The following POFUT3 variants were observed in gnomAD, a reference collection of about 807,000 sequenced individuals.
The protein encoded by POFUT3 is protein O-fucosyltransferase 3, also known as GDP-fucose protein O-fucosyltransferase 3.
At chr8:33,365,528 T>A in the POFUT3 span, among the ~76,000 whole-genome samples, 2 of 151,932 alleles carry the variant, frequency 1.3e-5, no homozygotes, top group African/African-American at 2.4e-5. Flanking sequence ...AGGGCGAATA[T>A]CCAGAATCTA....
chr8:33,326,814 G>T, the POFUT3 span, among the ~76,000 whole-genome samples: 1 of 152,140 alleles, frequency 6.6e-6, no homozygotes, highest in Admixed American at 6.5e-5. Flanking sequence ...GTCTCCCTCT[G>T]TGACCCAGGG....
chr8:33,386,550 C>A, the POFUT3 span, among the ~76,000 whole-genome samples: 1 of 152,298 alleles, frequency 6.6e-6, no homozygotes, highest in South Asian at 2.1e-4. Context: ...GTGGCTCATG[C>A]CTGTAATCTC....
the POFUT3 span, among the ~76,000 whole-genome samples, chr8:33,461,036 TC>T: frequency 1.3e-5 from 2 of 151,918 alleles, no homozygotes; most frequent in Non-Finnish European, 1.5e-5. Context: ...GTGCCTGTAA[TC>T]CCAACTACTC....
the POFUT3 span, among the ~76,000 whole-genome samples, chr8:33,327,010 T>C: frequency 6.6e-6 from 1 of 152,196 alleles, no homozygotes; most frequent in Non-Finnish European, 1.5e-5. Context: ...ATGCCTGGCC[T>C]TAAGCCATTC....
the POFUT3 span, chr8:33,436,627 T>C: frequency 1.1e-6 from 1 of 884,670 alleles, no homozygotes; most frequent in Middle Eastern, 2.2e-4. Context: ...CACCTTCCCA[T>C]ACTGCTAGAA....
At chr8:33,456,302 G>T in the POFUT3 span, among the ~76,000 whole-genome samples, 504 of 152,140 alleles carry the variant, frequency 3.3e-3, 2 homozygotes, top group African/African-American at 0.012. Context: ...AAATAATAGG[G>T]ATGCTTTTAA....
At chr8:33,398,772 C>G in the POFUT3 span, among the ~76,000 whole-genome samples, 1 of 152,176 alleles carries the variant, frequency 6.6e-6, no homozygotes, top group Non-Finnish European at 1.5e-5. Flanking sequence ...TTTCATAACA[C>G]TGAAGACGAT....
At chr8:33,320,415 A>C in the POFUT3 span, among the ~76,000 whole-genome samples, 1 of 152,062 alleles carries the variant, frequency 6.6e-6, no homozygotes, top group South Asian at 2.1e-4. Flanking sequence ...GTGTTGACCA[A>C]GTTTAAATTC....
the POFUT3 span, among the ~76,000 whole-genome samples, chr8:33,309,684 G>A: frequency 3.9e-5 from 6 of 152,088 alleles, no homozygotes; most frequent in East Asian, 5.8e-4. Context: ...GTTCCCAGGC[G>A]CTTAGTCAGT....
the POFUT3 span, among the ~76,000 whole-genome samples, chr8:33,327,478 CTGATA>C: frequency 6.6e-6 from 1 of 152,110 alleles, no homozygotes; most frequent in Non-Finnish European, 1.5e-5. Flanking sequence ...CAATGACTGT[CTGATA>C]TATTATTTTC....
At chr8:33,317,001 C>A in the POFUT3 span, among the ~76,000 whole-genome samples, 1 of 152,010 alleles carries the variant, frequency 6.6e-6, no homozygotes, top group Non-Finnish European at 1.5e-5. Flanking sequence ...ACAGAACCCC[C>A]TCATCAACCC....
chr8:33,392,166 A>G, the POFUT3 span, among the ~76,000 whole-genome samples: 1 of 152,216 alleles, frequency 6.6e-6, no homozygotes, highest in East Asian at 1.9e-4. Context: ...TCCCTGAGAT[A>G]CATCCACACA....
At chr8:33,368,052 TG>T in the POFUT3 span, among the ~76,000 whole-genome samples, 2 of 152,204 alleles carry the variant, frequency 1.3e-5, no homozygotes, top group African/African-American at 4.8e-5. Context: ...AAAATGCCCT[TG>T]GAGGCATTAA....
At chr8:33,446,969 C>T in the POFUT3 span, among the ~76,000 whole-genome samples, 4 of 152,122 alleles carry the variant, frequency 2.6e-5, no homozygotes, top group East Asian at 5.8e-4. Flanking sequence ...TGAGAAATCC[C>T]GAAGCATCCT....
At chr8:33,318,645 GTA>G in the POFUT3 span, among the ~76,000 whole-genome samples, 1 of 60,870 alleles carries the variant, frequency 1.6e-5, no homozygotes, top group Non-Finnish European at 2.8e-5. Flanking sequence ...TAAATATATT[GTA>G]TATATATTTA....
the POFUT3 span, among the ~76,000 whole-genome samples, chr8:33,399,001 G>A: frequency 6.6e-6 from 1 of 151,944 alleles, no homozygotes; most frequent in Admixed American, 6.6e-5. Flanking sequence ...TGTGAAGTAT[G>A]TCTAATTTTC....
the POFUT3 span, among the ~76,000 whole-genome samples, chr8:33,328,057 A>T: frequency 6.6e-6 from 1 of 152,206 alleles, no homozygotes; most frequent in Non-Finnish European, 1.5e-5. Context: ...CTTCTCATTT[A>T]GTCTTTTATT....
the POFUT3 span, among the ~76,000 whole-genome samples, chr8:33,333,763 G>A: frequency 3.5e-4 from 54 of 152,134 alleles, no homozygotes; most frequent in African/African-American, 1.0e-3. Flanking sequence ...ATCATGGCAC[G>A]GATTCAGGTC....
At chr8:33,393,123 T>G in the POFUT3 span, among the ~76,000 whole-genome samples, 1 of 152,212 alleles carries the variant, frequency 6.6e-6, no homozygotes, top group Non-Finnish European at 1.5e-5. Context: ...AACTGAGTTA[T>G]TTAGCTCTCC....
Sources: allele counts gnomAD v4.1 joint callset (sites outside exome capture counted in the v4.1 genomes callset), GRCh38; gene constraint gnomAD v4.1.1; transcripts MANE v1.5; gene names NCBI Gene and HGNC (gene_info 2026-07-23, HGNC 2026-07-21).